ARAP2: variants seen among roughly 807,000 people sequenced by gnomAD.
ARAP2 encodes the protein arf-GAP with Rho-GAP domain, ANK repeat and PH domain-containing protein 2.
In ARAP2, 148 loss-of-function variants were observed where a neutral mutation model predicts 194.5. The observed-to-expected ratio is 0.76, with a 90% CI of 0.67 to 0.87. The LOEUF is 0.87. Among genes scored for constraint, ARAP2 ranks in the 40% least tolerant of loss-of-function variants. ARAP2 has a pLI of 0.00. For synonymous variants in ARAP2, 695 were observed against 683.5 expected, an observed-to-expected ratio of 1.02 and a Z score of -0.26; for missense variants, 2,128 against 1,989.7, an observed-to-expected ratio of 1.07 and a Z score of -1.32.
intron 2 of ARAP2, among the ~76,000 whole-genome samples, chr4:36,053,796 C>A (rs979730953): frequency 2.1e-4 from 32 of 152,118 alleles, no homozygotes; most frequent in African/African-American, 7.5e-4. Context: ...TCCCAGAGGG[C>A]CGGCAAGTTT....
At chr4:36,241,593 T>C (rs530772499) in intron 1 of ARAP2, among the ~76,000 whole-genome samples, 13 of 152,148 alleles carry the variant, frequency 8.5e-5, no homozygotes, top group Non-Finnish European at 1.8e-4. Context: ...GACATGACTA[T>C]AAGAAAAGGT....
chr4:36,217,312 G>A (rs962010317), intron 2 of ARAP2, among the ~76,000 whole-genome samples: 3 of 152,208 alleles, frequency 2.0e-5, no homozygotes, highest in Non-Finnish European at 4.4e-5. Flanking sequence ...AGGAGTTTGA[G>A]ACCAGCCTGG....
chr4:36,130,014 ATTTC>A lies in ARAP2; in HGVS notation c.3428-1273_3428-1270del, dbSNP rs557195694. 1.2e-3 allele frequency among the ~76,000 whole-genome samples: 183 copies of A among 151,954 alleles called. 1 individual carries two copies. The highest frequency in any genetic ancestry group is 3.5e-3 in the South Asian group (17 of 4,828). On this transcript the variant is annotated intron_variant, in intron 20 of 32. Coordinates refer to ENST00000303965, the MANE Select transcript of ARAP2 (RefSeq NM_015230.4). ...TCCCTAGCCCTTTACAAGTCAGAGTATTTCTTTCTCAATCAGCACATTAAAAACA... is the reference window on the plus strand; with the variant it reads ...TCCCTAGCCCTTTACAAGTCAGAGTATTTCTCAATCAGCACATTAAAAACA...
intron 19 of ARAP2, among the ~76,000 whole-genome samples, chr4:36,145,537 A>G (rs1267956910): frequency 6.6e-6 from 1 of 151,876 alleles, no homozygotes; most frequent in Admixed American, 6.6e-5. Context: ...AGTGGGGACC[A>G]AAGGGGGCAA....
At chr4:36,148,264 A>G (rs1730119826) in intron 17 of ARAP2, 141 bp downstream of exon 17, 2 of 584,226 alleles carry the variant, frequency 3.4e-6, no homozygotes, top group African/African-American at 3.8e-5. Flanking sequence ...TCTTTTGACT[A>G]CTTTTTTTGA....
chr4:36,063,321 T>TG (rs1231003181), downstream of ARAP2, among the ~76,000 whole-genome samples: 1 of 150,534 alleles, frequency 6.6e-6, no homozygotes, highest in African/African-American at 2.5e-5. Flanking sequence ...GGTGGGGGGT[T>TG]GGGGGAGGGA....
chr4:36,052,472 T>A (rs1359406041), intron 2 of ARAP2, among the ~76,000 whole-genome samples: 1 of 152,226 alleles, frequency 6.6e-6, no homozygotes, highest in Non-Finnish European at 1.5e-5. Flanking sequence ...AAAAGGCAGC[T>A]TTGAAATTAA....
intron 25 of ARAP2, among the ~76,000 whole-genome samples, 185 bp from the exon 26 acceptor site, chr4:36,114,472 T>C (rs1214054991): frequency 1.3e-5 from 2 of 151,952 alleles, no homozygotes; most frequent in African/African-American, 4.8e-5. Flanking sequence ...AAAATGTACA[T>C]AAGTACAAAA....
intron 23 of ARAP2, 36 bp downstream of exon 23, chr4:36,121,143 A>AACCATTTT (rs1722582176): frequency 6.7e-7 from 1 of 1,498,914 alleles, no homozygotes; most frequent in Non-Finnish European, 9.1e-7. Context: ...GTGACATTAT[A>AACCATTTT]ACCATTTTAA....
intron 6 of ARAP2, 124 bp from the exon 7 acceptor site, chr4:36,193,771 G>T (rs1279124112): frequency 2.0e-5 from 14 of 696,188 alleles, no homozygotes; most frequent in Non-Finnish European, 3.1e-5. Context: ...GACAACAATA[G>T]GCTATGATAA....
chr4:36,232,134 G>A (rs1751597746), intron 1 of ARAP2, among the ~76,000 whole-genome samples: 1 of 152,212 alleles, frequency 6.6e-6, no homozygotes, highest in Admixed American at 6.5e-5. Context: ...CTCTAGAGCT[G>A]TGAGAAAATA....
chr4:36,167,022 G>T lies in ARAP2; in HGVS notation c.1883C>A (p.Thr628Asn). The T allele has an allele frequency of 6.3e-7, 1 of 1,591,110 alleles. No individual in the cohort carries two copies. Among genetic ancestry groups the T allele is most frequent in the Non-Finnish European group, 8.6e-7 (1 of 1,169,360 alleles). Reference sequence around the variant, plus strand: ...ATTTGCTACATTCATAGGAATTATGGTAATACCAAGTCCACTCTTAAAATC... The same window carrying T: ...ATTTGCTACATTCATAGGAATTATGTTAATACCAAGTCCACTCTTAAAATC... ...EQDFKSGLGITIIPMNVANVK... is the reference protein window; with the variant it reads ...EQDFKSGLGINIIPMNVANVK... The change falls in exon 10 of 33, where the codon ACC becomes AAC. Residue 628 changes from threonine to asparagine, a missense_variant. By Grantham distance (65) the Thr-to-Asn change is moderately conservative. Coordinates refer to ENST00000303965, the MANE Select transcript of ARAP2 (RefSeq NM_015230.4).
intron 1 of ARAP2, among the ~76,000 whole-genome samples, chr4:36,058,824 T>C (rs1723946901): frequency 6.6e-6 from 1 of 152,076 alleles, no homozygotes; most frequent in Admixed American, 6.5e-5. Flanking sequence ...CTAATAAATA[T>C]GTCAATTATC....
intron 5 of ARAP2, among the ~76,000 whole-genome samples, chr4:36,043,902 G>GAAAGAGAAAGAA (rs142943189): frequency 6.9e-6 from 1 of 144,230 alleles, no homozygotes; most frequent in Non-Finnish European, 1.5e-5. Flanking sequence ...AAGGGAGAGG[G>GAAAGAGAAAGAA]AAAGAGAAAG....
chr4:36,107,518 C>A lies in ARAP2; in HGVS notation c.4285+47G>T, dbSNP rs1318532916. 3.2e-6 allele frequency: 5 copies of A among 1,560,840 alleles called. 1 individual carries two copies. In the South Asian group the frequency reaches 4.8e-5, roughly 15 times the overall value. The stretch of plus-strand genomic sequence containing the variant: ...TGTGCCATATTAATTACCCTTTAAC[C>A]ACTTGAATTTTCAATCATAGCTGCA... On this transcript the variant is annotated intron_variant, in intron 27 of 32. Transcript: ENST00000303965.
chr4:36,133,510 C>T (rs1725938824), intron 19 of ARAP2, 121 bp from the exon 20 acceptor site: 2 of 866,412 alleles, frequency 2.3e-6, no homozygotes, highest in East Asian at 5.4e-5. Flanking sequence ...TTTATCTCAT[C>T]CACCACGAGC....
At chr4:36,172,942 T>C (rs1736981725) in intron 9 of ARAP2, among the ~76,000 whole-genome samples, 1 of 152,182 alleles carries the variant, frequency 6.6e-6, no homozygotes, top group African/African-American at 2.4e-5. Context: ...CTATGAGGTC[T>C]ATTTAAATTC....
chr4:36,156,139 G>A (rs1234284197), intron 15 of ARAP2, among the ~76,000 whole-genome samples: 1 of 151,620 alleles, frequency 6.6e-6, no homozygotes, highest in Non-Finnish European at 1.5e-5. Context: ...AAAATTAGCT[G>A]GGTGTGGTGG....
At chr4:36,206,266 C>T (rs1176935549) in intron 6 of ARAP2, among the ~76,000 whole-genome samples, 1 of 152,234 alleles carries the variant, frequency 6.6e-6, no homozygotes, top group Non-Finnish European at 1.5e-5. Context: ...GGAGCTCTGA[C>T]TGCCAGTCGT....
Sources: gnomAD v4.1 joint callset for allele counts (sites outside exome capture counted in the v4.1 genomes callset) on GRCh38, gnomAD v4.1.1 for gene constraint, MANE v1.5 for transcripts, NCBI Gene and HGNC (gene_info 2026-07-23, HGNC 2026-07-21) for gene names.